The following ZNF385D variants were observed in gnomAD, a reference collection of about 807,000 sequenced individuals.
The protein encoded by ZNF385D is zinc finger protein 659.
In ZNF385D, 15 loss-of-function variants were observed where a neutral mutation model predicts 35.8. That is an observed-to-expected ratio of 0.42 (90% CI 0.28 to 0.64). The LOEUF (loss-of-function observed/expected upper bound fraction) is 0.64. Among genes scored for constraint, ZNF385D ranks in the 30% least tolerant of loss-of-function variants. The pLI is 0.23. For synonymous variants in ZNF385D, 212 were observed against 186.8 expected (o/e 1.13, Z -1.10); for missense variants, 474 against 494.6 (o/e 0.96, Z 0.39).
chr3:21,883,741 T>C (rs1393976261), intron 3 of ZNF385D, among the ~76,000 whole-genome samples: 1 of 152,024 alleles, frequency 6.6e-6, no homozygotes, highest in Non-Finnish European at 1.5e-5. Flanking sequence ...TTCCATCAGA[T>C]TGCTGCACAT....
At chr3:22,183,318 C>T (rs1245958651) in intron 2 of ZNF385D, among the ~76,000 whole-genome samples, 2 of 151,972 alleles carry the variant, frequency 1.3e-5, no homozygotes, top group Non-Finnish European at 2.9e-5. Context: ...TTCTCAAGTG[C>T]TTTGATCTTC....
intron 1 of ZNF385D, among the ~76,000 whole-genome samples, chr3:21,701,609 A>G (rs1026938658): frequency 5.3e-5 from 8 of 152,104 alleles, no homozygotes; most frequent in African/African-American, 1.4e-4. Flanking sequence ...TTCAGCATTA[A>G]CCTAAAAGTC....
At chr3:22,308,825 T>G (rs910509275) in intron 2 of ZNF385D, among the ~76,000 whole-genome samples, 2 of 152,090 alleles carry the variant, frequency 1.3e-5, no homozygotes, top group Non-Finnish European at 1.5e-5. Flanking sequence ...ATCTGCTCCG[T>G]TTTTCATGTA....
chr3:21,442,190 C>G (rs1045823423), intron 4 of ZNF385D, among the ~76,000 whole-genome samples: 2 of 152,106 alleles, frequency 1.3e-5, no homozygotes, highest in Non-Finnish European at 2.9e-5. Flanking sequence ...TAACATGGAG[C>G]AGCCAAGTTA....
At chr3:21,768,539 T>TC (rs1486010520) in intron 3 of ZNF385D, among the ~76,000 whole-genome samples, 1 of 151,874 alleles carries the variant, frequency 6.6e-6, no homozygotes, top group African/African-American at 2.4e-5. Context: ...CAATTTTAGC[T>TC]CTTAGAGTAG....
rs536646825 is a variant in ZNF385D at position 22,362,577 on chromosome 3, T to C, written c.106+9873A>G. Among the ~76,000 whole-genome samples, 7 of 152,230 alleles carry C rather than the reference T, an allele frequency of 4.6e-5. No individual in the cohort carries two copies. In the East Asian group the frequency reaches 1.4e-3, roughly 29 times the overall value. On this transcript the variant is annotated intron_variant, in intron 2 of 5. Coordinates refer to the ZNF385D transcript ENST00000494108. Reference sequence around the variant, plus strand: ...AATGGAAAGGCATATCAAAATCATATCTTACAGAACATAGGTTTGAGTACT... The same window carrying C: ...AATGGAAAGGCATATCAAAATCATACCTTACAGAACATAGGTTTGAGTACT...
At chr3:22,028,670 C>G (rs1019394332) in intron 3 of ZNF385D, among the ~76,000 whole-genome samples, 3 of 152,152 alleles carry the variant, frequency 2.0e-5, no homozygotes, top group African/African-American at 7.2e-5. Context: ...TATGGGATGC[C>G]TTATCCATGA....
intron 3 of ZNF385D, among the ~76,000 whole-genome samples, chr3:22,096,231 G>A (rs1286647713): frequency 6.6e-6 from 1 of 151,948 alleles, no homozygotes; most frequent in African/African-American, 2.4e-5. Flanking sequence ...CTCACTACCT[G>A]GGTGGCAAGA....
At chr3:22,142,811 T>C (rs76438085) in intron 3 of ZNF385D, among the ~76,000 whole-genome samples, 5,082 of 152,108 alleles carry the variant, frequency 0.033, 120 homozygotes, top group Non-Finnish European at 0.053. Flanking sequence ...AGGACACAGC[T>C]TCTCTCAAAA....
intron 2 of ZNF385D, among the ~76,000 whole-genome samples, chr3:22,174,419 T>C (rs1019865385): frequency 6.6e-6 from 1 of 152,162 alleles, no homozygotes; most frequent in African/African-American, 2.4e-5. Context: ...ACAGACAGTT[T>C]AGTGCACAAT....
At chr3:22,273,164 C>G (rs1469177350) in intron 2 of ZNF385D, among the ~76,000 whole-genome samples, 2 of 151,888 alleles carry the variant, frequency 1.3e-5, no homozygotes, top group Non-Finnish European at 2.9e-5. Context: ...AAACAAGAAT[C>G]TGCATAAACA....
chr3:22,227,400 C>T (rs549907331), intron 2 of ZNF385D, among the ~76,000 whole-genome samples: 2 of 152,298 alleles, frequency 1.3e-5, no homozygotes, highest in South Asian at 2.1e-4. Flanking sequence ...GAGGGTCCTA[C>T]TCCATACTAT....
At chr3:21,963,640 C>A (rs1449546379) in intron 3 of ZNF385D, among the ~76,000 whole-genome samples, 2 of 152,072 alleles carry the variant, frequency 1.3e-5, no homozygotes, top group Non-Finnish European at 2.9e-5. Flanking sequence ...CATTCATACG[C>A]CTTTAAGTTA....
intron 3 of ZNF385D, among the ~76,000 whole-genome samples, chr3:21,890,086 C>A (rs1214333782): frequency 6.6e-6 from 1 of 152,102 alleles, no homozygotes; most frequent in African/African-American, 2.4e-5. Flanking sequence ...TCAAATTCAG[C>A]TGTACTGTGG....
At chr3:21,450,568 G>T (rs755662457) in intron 4 of ZNF385D, among the ~76,000 whole-genome samples, 32 of 152,192 alleles carry the variant, frequency 2.1e-4, no homozygotes, top group Non-Finnish European at 3.2e-4. Flanking sequence ...GTATGATTTG[G>T]TTCAGTGAAA....
intron 3 of ZNF385D, among the ~76,000 whole-genome samples, chr3:21,861,733 G>A (rs978875721): frequency 2.6e-5 from 4 of 152,092 alleles, no homozygotes; most frequent in Non-Finnish European, 5.9e-5. Flanking sequence ...TTTATGAGAA[G>A]TATGAAAATT....
chr3:21,569,490 C>T (rs1372104289), intron 2 of ZNF385D, among the ~76,000 whole-genome samples: 1 of 150,914 alleles, frequency 6.6e-6, no homozygotes, highest in East Asian at 1.9e-4. Context: ...GAATACAGCA[C>T]ACTGATGGGT....
intron 3 of ZNF385D, among the ~76,000 whole-genome samples, chr3:22,017,442 A>C (rs1696961591): frequency 6.6e-6 from 1 of 152,020 alleles, no homozygotes; most frequent in South Asian, 2.1e-4. Context: ...TCTCTTGTAA[A>C]GAAATCAAAG....
intron 2 of ZNF385D, among the ~76,000 whole-genome samples, chr3:22,292,066 C>T (rs765362174): frequency 6.6e-6 from 1 of 151,888 alleles, no homozygotes; most frequent in African/African-American, 2.4e-5. Context: ...CTTTTCATTT[C>T]TGCTTTTTAA....
Sources: allele counts gnomAD v4.1 joint callset (sites outside exome capture counted in the v4.1 genomes callset), GRCh38; gene constraint gnomAD v4.1.1; transcripts MANE v1.5; gene names NCBI Gene and HGNC (gene_info 2026-07-23, HGNC 2026-07-21).